The following NCKAP5 variants were observed in gnomAD, a reference collection of about 807,000 sequenced individuals.
NCKAP5 encodes the protein nck-associated protein 5.
NCKAP5 carries 92 observed loss-of-function variants against 167.0 expected under a neutral mutation model. The ratio of observed to expected loss-of-function variants is 0.55; its 90% CI spans 0.47 to 0.66. The LOEUF is 0.66. NCKAP5 is among the 30% of genes least tolerant of loss of function. The pLI, the probability that NCKAP5 is intolerant of heterozygous loss-of-function variation, is 0.00. For missense variants in NCKAP5, 2,378 were observed against 2,315.0 expected, an observed-to-expected ratio of 1.03 and a Z score of -0.56; for synonymous variants, 891 against 877.4, an observed-to-expected ratio of 1.02 and a Z score of -0.27.
At chr2:133,023,719 C>G (rs564112566) in intron 6 of NCKAP5, among the ~76,000 whole-genome samples, 1 of 152,154 alleles carries the variant, frequency 6.6e-6, no homozygotes, top group African/African-American at 2.4e-5. Context: ...CTGTTCCTGC[C>G]TTAATTTGCT....
At chr2:132,805,010 C>T (rs1685324462) in intron 11 of NCKAP5, among the ~76,000 whole-genome samples, 1 of 151,836 alleles carries the variant, frequency 6.6e-6, no homozygotes, top group South Asian at 2.1e-4. Context: ...AATGTTAAGC[C>T]CACAATTTGA....
intron 7 of NCKAP5, among the ~76,000 whole-genome samples, chr2:132,974,776 A>G (rs2076931441): frequency 6.6e-6 from 1 of 152,232 alleles, no homozygotes; most frequent in African/African-American, 2.4e-5. Context: ...TGTTTGTATC[A>G]GAAATGTCAG....
chr2:132,864,269 T>C (rs1187972976), intron 10 of NCKAP5, among the ~76,000 whole-genome samples: 7 of 152,050 alleles, frequency 4.6e-5, no homozygotes, highest in Admixed American at 4.6e-4. Context: ...TAAGATTGTG[T>C]CTTCAGATAA....
intron 5 of NCKAP5, among the ~76,000 whole-genome samples, chr2:133,149,002 A>C (rs1019662044): frequency 6.6e-6 from 1 of 152,180 alleles, no homozygotes; most frequent in Non-Finnish European, 1.5e-5. Flanking sequence ...CATCGTGGTA[A>C]TCAAAAAGGT....
chr2:133,615,265 C>T, the NCKAP5 span, among the ~76,000 whole-genome samples: 3 of 151,564 alleles, frequency 2.0e-5, no homozygotes, highest in South Asian at 2.1e-4. Context: ...AACCAGCTAA[C>T]ATCATAATGA....
At chr2:133,273,451 C>CA (rs1313332127) in intron 4 of NCKAP5, among the ~76,000 whole-genome samples, 1 of 151,476 alleles carries the variant, frequency 6.6e-6, no homozygotes, top group Non-Finnish European at 1.5e-5. Context: ...TGAAAAAATA[C>CA]AGAAACTCTA....
Position 132,915,718 on chromosome 2 carries a change from T to C in NCKAP5, c.580-36802A>G, listed in dbSNP as rs1574616775. On this transcript the variant is annotated intron_variant, in intron 8 of 19. Transcript: ENST00000409261. ...GTTTTTATGACTGTACATACGAATG[T>C]CCTGGGAACTTCTGAAATAACTAGG... 5 of 152,138 alleles carry C rather than the reference T, an allele frequency of 3.3e-5. No individual in the cohort carries two copies. The Middle Eastern group carries it at 0.014, about 414-fold the overall frequency. 9.4% of individuals were successfully genotyped at this position (152,138 alleles called of 1,614,324 possible). A position where few individuals can be genotyped will look rare whatever the true frequency, so the allele number is the denominator to read the frequency against.
intron 6 of NCKAP5, among the ~76,000 whole-genome samples, chr2:133,052,063 T>C (rs947790264): frequency 1.3e-5 from 2 of 152,188 alleles, no homozygotes; most frequent in Non-Finnish European, 2.9e-5. Flanking sequence ...TAGCTACCTC[T>C]CCTAGAATAT....
intron 6 of NCKAP5, among the ~76,000 whole-genome samples, chr2:133,058,304 AT>A (rs1321594976): frequency 2.0e-5 from 3 of 152,178 alleles, no homozygotes; most frequent in Admixed American, 6.5e-5. Flanking sequence ...TTTAAGAAAT[AT>A]TTTTTATAAG....
At chr2:133,083,339 G>T (rs1002375629) in intron 6 of NCKAP5, among the ~76,000 whole-genome samples, 2 of 152,072 alleles carry the variant, frequency 1.3e-5, no homozygotes, top group Non-Finnish European at 2.9e-5. Context: ...CCACTCAGGG[G>T]CTTGCTCAGC....
intron 19 of NCKAP5, among the ~76,000 whole-genome samples, chr2:132,721,929 A>G (rs1003636773): frequency 6.6e-6 from 1 of 152,248 alleles, no homozygotes; most frequent in South Asian, 2.1e-4. Flanking sequence ...AAGCTAAAGC[A>G]ATAGAATAAA....
intron 3 of NCKAP5, among the ~76,000 whole-genome samples, chr2:133,424,726 T>C (rs1689686475): frequency 6.6e-6 from 1 of 152,124 alleles, no homozygotes; most frequent in Non-Finnish European, 1.5e-5. Flanking sequence ...GTGTTAGAAG[T>C]AGACGAACCT....
At chr2:133,453,578 AG>A (rs1244819772) in intron 3 of NCKAP5, among the ~76,000 whole-genome samples, 1 of 152,264 alleles carries the variant, frequency 6.6e-6, no homozygotes, top group East Asian at 1.9e-4. Flanking sequence ...TGACAAAATA[AG>A]GGTTATTCAT....
intron 3 of NCKAP5, among the ~76,000 whole-genome samples, chr2:133,463,964 A>G (rs1189621597): frequency 6.6e-6 from 1 of 152,154 alleles, no homozygotes; most frequent in African/African-American, 2.4e-5. Flanking sequence ...CCTCATGTTA[A>G]CCATACATTT....
intron 3 of NCKAP5, among the ~76,000 whole-genome samples, chr2:133,350,445 A>G (rs758550485): frequency 7.2e-5 from 11 of 152,112 alleles, no homozygotes; most frequent in Non-Finnish European, 1.2e-4. Flanking sequence ...AAATAAATAG[A>G]TATGAAACCT....
intron 3 of NCKAP5, among the ~76,000 whole-genome samples, chr2:133,447,412 C>T (rs891231147): frequency 1.3e-5 from 2 of 151,346 alleles, no homozygotes; most frequent in South Asian, 4.2e-4. Flanking sequence ...CTTTTTCCTT[C>T]CTTCCTTCCC....
chr2:133,250,209 A>C lies in NCKAP5; in HGVS notation c.144-36430T>G, dbSNP rs2088238261. 2.6e-5 allele frequency among the ~76,000 whole-genome samples: 4 copies of C among 152,070 alleles called. 1 individual carries two copies. In the South Asian group the frequency reaches 8.3e-4, roughly 32 times the overall value. ...TATTCCCCAGGAAGGAATACCTATT[A>C]ATCCACAGCTATGTGATCAACCTTT... On this transcript the variant is annotated intron_variant, in intron 4 of 19. Coordinates refer to ENST00000409261, the MANE Select transcript of NCKAP5 (RefSeq NM_207363.3).
intron 4 of NCKAP5, among the ~76,000 whole-genome samples, chr2:133,248,650 T>C (rs149999595): frequency 3.4e-4 from 52 of 152,336 alleles, no homozygotes; most frequent in African/African-American, 1.1e-3. Flanking sequence ...TTATAAAATA[T>C]AGGGACAAGA....
chr2:133,600,525 A>C, the NCKAP5 span, among the ~76,000 whole-genome samples: 1 of 152,248 alleles, frequency 6.6e-6, no homozygotes, highest in African/African-American at 2.4e-5. Context: ...ACTGGAGCAG[A>C]GCTGACTGCG....
Sources: gnomAD v4.1 joint callset for allele counts (sites outside exome capture counted in the v4.1 genomes callset) on GRCh38, gnomAD v4.1.1 for gene constraint, MANE v1.5 for transcripts, NCBI Gene and HGNC (gene_info 2026-07-23, HGNC 2026-07-21) for gene names.